ST3GAL5: variants seen among roughly 807,000 people sequenced by gnomAD.
The protein encoded by ST3GAL5 is ST3 beta-galactoside alpha-2,3-sialyltransferase 5.
In ST3GAL5, 25 loss-of-function variants were observed where a neutral mutation model predicts 46.1. The observed-to-expected ratio is 0.54, with a 90% CI of 0.40 to 0.76. The LOEUF (loss-of-function observed/expected upper bound fraction) is 0.76. ST3GAL5 is among the 30% of genes least tolerant of loss of function. The pLI, the probability that ST3GAL5 is intolerant of heterozygous loss-of-function variation, is 0.00. For synonymous variants in ST3GAL5, 182 were observed against 192.7 expected (o/e 0.94, Z 0.46); for missense variants, 431 against 521.2 (o/e 0.83, Z 1.69).
intron 1 of ST3GAL5, among the ~76,000 whole-genome samples, chr2:85,872,135 G>C (rs923632136): frequency 6.6e-6 from 1 of 152,150 alleles, no homozygotes; most frequent in Non-Finnish European, 1.5e-5. Flanking sequence ...GGACGGGGAA[G>C]GAATGGGGAC....
chr2:85,843,560 C>T (rs1359750598), intron 6 of ST3GAL5, among the ~76,000 whole-genome samples: 2 of 151,820 alleles, frequency 1.3e-5, no homozygotes, highest in Non-Finnish European at 2.9e-5. Context: ...TATTTTTTGC[C>T]CATTTTCTAT....
At chr2:85,861,379 G>C (rs1338893054) in intron 2 of ST3GAL5, 87 bp from the exon 3 acceptor site, 19 of 865,686 alleles carry the variant, frequency 2.2e-5, no homozygotes, top group Non-Finnish European at 3.5e-5. Flanking sequence ...TCCTAAATGA[G>C]TCTGCCTGCT....
chr2:85,851,579 T>G (rs1683508576), intron 3 of ST3GAL5: 1 of 1,289,338 alleles, frequency 7.8e-7, no homozygotes. Flanking sequence ...CCTCAGAGCT[T>G]GTCCCACATC....
rs748173859 is a variant in ST3GAL5, at chr2:85,840,272, T to C, written c.1129A>G (p.Ser377Gly). The C allele has an allele frequency of 1.4e-5, 22 of 1,614,246 alleles. No individual in the cohort carries two copies. The Admixed American group carries it at 3.5e-4, about 26-fold the overall frequency. Residue 377 changes from serine to glycine, a missense_variant, in exon 7 of 7, where the codon AGT becomes GGT. By Grantham distance (56) the Ser-to-Gly change is moderately conservative (BLOSUM62 0). Coordinates refer to ENST00000638572, the MANE Select transcript of ST3GAL5 (RefSeq NM_003896.4). Reference protein sequence around the residue: ...QPRTPLHYFDSQCMAAMNFQT... With the variant: ...QPRTPLHYFDGQCMAAMNFQT... The stretch of plus-strand genomic sequence containing the variant: ...AAGTTCATAGCAGCCATGCATTGAC[T>C]GTCGAAGTAGTGCAAAGGTGTTCTG...
rs1457967634 is a variant in ST3GAL5, at chr2:85,838,606, T to C, written c.*1538A>G. The C allele has an allele frequency of 6.6e-6, 1 of 152,232 alleles. No homozygotes were observed. Among genetic ancestry groups the C allele is most frequent in the Non-Finnish European group, 1.5e-5 (1 of 68,036 alleles). 9.4% of individuals were successfully genotyped at this position (152,232 alleles called of 1,614,324 possible). Reference sequence around the variant, plus strand: ...ACACAAAACGAGAGAAATATGACTTTTGCTCTCCTGGCCACTCTGAGCTGG... The same window carrying C: ...ACACAAAACGAGAGAAATATGACTTCTGCTCTCCTGGCCACTCTGAGCTGG... On this transcript the variant is annotated 3_prime_UTR_variant, in exon 7 of 7. Transcript: ENST00000638572.
intron 3 of ST3GAL5, chr2:85,848,970 A>C (rs1165077309): frequency 2.0e-5 from 3 of 152,902 alleles, no homozygotes; most frequent in African/African-American, 7.2e-5. Context: ...TGAAAGAATC[A>C]GGGAATGTCC....
intron 1 of ST3GAL5, among the ~76,000 whole-genome samples, chr2:85,871,299 G>A (rs1685900932): frequency 6.6e-6 from 1 of 151,974 alleles, no homozygotes; most frequent in South Asian, 2.1e-4. Context: ...TTCTCTTCTA[G>A]TTACTTTGAA....
intron 3 of ST3GAL5, chr2:85,855,901 T>A (rs1210737981): frequency 1.3e-5 from 2 of 152,194 alleles, no homozygotes; most frequent in Non-Finnish European, 2.9e-5. Context: ...AGATATCACT[T>A]AACATCTATC....
chr2:85,847,739 G>A (rs1250773371), intron 4 of ST3GAL5, 122 bp downstream of exon 4: 1 of 1,404,998 alleles, frequency 7.1e-7, no homozygotes, highest in Non-Finnish European at 9.5e-7. Context: ...AGGCTGCAGT[G>A]AGCTGAGATC....
At chr2:85,852,746 G>A (rs1683660253) in intron 3 of ST3GAL5, 9 of 555,454 alleles carry the variant, frequency 1.6e-5, no homozygotes, top group Non-Finnish European at 2.6e-5. Flanking sequence ...TCAACTGTTA[G>A]AAAAAAAAAT....
chr2:85,853,992 C>T (rs1424567469), intron 3 of ST3GAL5: 1 of 152,212 alleles, frequency 6.6e-6, no homozygotes, highest in African/African-American at 2.4e-5. Context: ...CTCAATTCCA[C>T]CATAATTATA....
At chr2:85,846,265 C>T in intron 5 of ST3GAL5, 112 bp downstream of exon 5, 1 of 955,568 alleles carries the variant, frequency 1.0e-6, no homozygotes, top group East Asian at 2.6e-5. Flanking sequence ...AAAGACAACA[C>T]ATAAGTATGC....
intron 3 of ST3GAL5, among the ~76,000 whole-genome samples, chr2:85,857,110 G>T (rs1217395673): frequency 1.3e-5 from 2 of 148,842 alleles, no homozygotes; most frequent in Non-Finnish European, 1.5e-5. Flanking sequence ...GGCACGTATG[G>T]TGGTGCATGC....
At chr2:85,846,775 C>T (rs985957506) in intron 4 of ST3GAL5, 1 of 557,604 alleles carries the variant, frequency 1.8e-6, no homozygotes, top group Non-Finnish European at 3.2e-6. Flanking sequence ...TATCTAATCC[C>T]TGAATGTCAA....
chr2:85,855,545 T>C (rs1684005913), intron 3 of ST3GAL5: 1 of 152,176 alleles, frequency 6.6e-6, no homozygotes, highest in African/African-American at 2.4e-5. Flanking sequence ...AACAATAGTT[T>C]CTTAGATATG....
chr2:85,881,116 G>C (rs1009048149), intron 1 of ST3GAL5, among the ~76,000 whole-genome samples: 2 of 152,164 alleles, frequency 1.3e-5, no homozygotes, highest in Admixed American at 6.5e-5. Flanking sequence ...GCATTTATCA[G>C]GGGTTTCTGC....
At chr2:85,860,452 T>C (rs1684590965) in intron 3 of ST3GAL5, among the ~76,000 whole-genome samples, 1 of 152,196 alleles carries the variant, frequency 6.6e-6, no homozygotes, top group Admixed American at 6.5e-5. Context: ...ACTAAAATAA[T>C]CAGTGACATA....
intron 3 of ST3GAL5, among the ~76,000 whole-genome samples, chr2:85,856,920 C>T (rs1366896404): frequency 6.7e-6 from 1 of 149,606 alleles, no homozygotes; most frequent in Admixed American, 6.7e-5. Context: ...AATTATATCT[C>T]AATAAAAATG....
At chr2:85,863,853 G>A (rs946676064) in intron 1 of ST3GAL5, among the ~76,000 whole-genome samples, 5 of 151,930 alleles carry the variant, frequency 3.3e-5, no homozygotes, top group South Asian at 2.1e-4. Context: ...GATTACAGGC[G>A]CATGCCACCA....
Sources: gnomAD v4.1 joint callset for allele counts (sites outside exome capture counted in the v4.1 genomes callset) on GRCh38, gnomAD v4.1.1 for gene constraint, MANE v1.5 for transcripts, NCBI Gene and HGNC (gene_info 2026-07-23, HGNC 2026-07-21) for gene names.